Variants in ROBO2 observed in about 807,000 individuals in gnomAD.
ROBO2 encodes the protein roundabout homolog 2.
In ROBO2, 53 loss-of-function variants were observed where a neutral mutation model predicts 160.8. The observed-to-expected ratio is 0.33, with a 90% CI of 0.26 to 0.41. The LOEUF is 0.41. ROBO2 is among the 10% of genes least tolerant of loss of function. ROBO2 has a pLI of 1.00. For missense variants in ROBO2, 1,577 were observed against 1,722.4 expected, an observed-to-expected ratio of 0.92 and a Z score of 1.49; for synonymous variants, 664 against 611.7, an observed-to-expected ratio of 1.09 and a Z score of -1.26.
At chr3:76,402,327 G>A (rs2077877446) in intron 2 of ROBO2, among the ~76,000 whole-genome samples, 2 of 151,568 alleles carry the variant, frequency 1.3e-5, no homozygotes, top group African/African-American at 4.8e-5. Flanking sequence ...TGGCAATTGT[G>A]TAGGAAATGA....
At chr3:77,073,642 G>A (rs1446713089) in intron 1 of ROBO2, among the ~76,000 whole-genome samples, 1 of 152,152 alleles carries the variant, frequency 6.6e-6, no homozygotes, top group Non-Finnish European at 1.5e-5. Flanking sequence ...GGAACCTGGG[G>A]CCTTCCTGAG....
intron 2 of ROBO2, among the ~76,000 whole-genome samples, chr3:76,976,303 T>C (rs1051298988): frequency 3.3e-5 from 5 of 152,206 alleles, no homozygotes; most frequent in African/African-American, 9.6e-5. Flanking sequence ...AGTTAGGTCA[T>C]TGTTATTTTT....
intron 2 of ROBO2, among the ~76,000 whole-genome samples, chr3:77,028,493 A>C (rs1400873139): frequency 6.6e-6 from 1 of 152,096 alleles, no homozygotes; most frequent in Non-Finnish European, 1.5e-5. Flanking sequence ...AGGCAGGCGG[A>C]TCACCTGAGG....
At position 76,243,048 on chromosome 3, in the gene ROBO2, C is replaced by T. The variant is rs527872810; in HGVS notation, c.109+305446C>T. On this transcript the variant is annotated intron_variant, in intron 2 of 26. Coordinates refer to the ROBO2 transcript ENST00000487694. ...TGGCTCTTTAAATCTGTAAAAACGGCTAATCCCTGTAACAACTCACAAACA... is the reference window on the plus strand; with the variant it reads ...TGGCTCTTTAAATCTGTAAAAACGGTTAATCCCTGTAACAACTCACAAACA... Among the ~76,000 whole-genome samples the T allele has an allele frequency of 3.3e-5, 5 of 152,320 alleles. No individual in the cohort carries two copies. In the South Asian group the frequency reaches 1.0e-3, roughly 32 times the overall value.
At chr3:76,754,361 A>C (rs2060846095) in intron 2 of ROBO2, among the ~76,000 whole-genome samples, 1 of 151,924 alleles carries the variant, frequency 6.6e-6, no homozygotes, top group South Asian at 2.1e-4. Context: ...TTATCTGTCA[A>C]AGGTTAACTG....
At chr3:76,155,409 G>C (rs1347384099) in intron 2 of ROBO2, among the ~76,000 whole-genome samples, 1 of 151,840 alleles carries the variant, frequency 6.6e-6, no homozygotes, top group Non-Finnish European at 1.5e-5. Context: ...AATGCTACTG[G>C]AAAAGAAAAA....
At chr3:77,193,706 T>C (rs527666668) in intron 2 of ROBO2, among the ~76,000 whole-genome samples, 37 of 152,258 alleles carry the variant, frequency 2.4e-4, no homozygotes, top group African/African-American at 6.7e-4. Context: ...ATATCATCCC[T>C]CTGGTTTAAG....
At chr3:76,618,809 A>G (rs907347457) in intron 2 of ROBO2, among the ~76,000 whole-genome samples, 1 of 150,130 alleles carries the variant, frequency 6.7e-6, no homozygotes, top group Non-Finnish European at 1.5e-5. Context: ...TCCAGTGTAA[A>G]TAATGTTTCA....
intron 2 of ROBO2, among the ~76,000 whole-genome samples, chr3:77,309,448 T>C (rs1038710217): frequency 1.3e-5 from 2 of 152,350 alleles, no homozygotes; most frequent in African/African-American, 4.8e-5. Context: ...CTTCTATCCA[T>C]TGATTATCTA....
chr3:77,060,893 G>A (rs1251392218), intron 1 of ROBO2, among the ~76,000 whole-genome samples: 1 of 151,860 alleles, frequency 6.6e-6, no homozygotes, highest in African/African-American at 2.4e-5. Context: ...ATCTAGCAGA[G>A]ATAATACAAA....
chr3:76,673,361 GCCA>G (rs1230201430), intron 2 of ROBO2, among the ~76,000 whole-genome samples: 6 of 152,200 alleles, frequency 3.9e-5, no homozygotes, highest in African/African-American at 1.4e-4. Flanking sequence ...AGAGTTTCTG[GCCA>G]GGCAGTGGTG....
chr3:76,857,817 T>C (rs2148591192), intron 2 of ROBO2, among the ~76,000 whole-genome samples: 1 of 152,336 alleles, frequency 6.6e-6, no homozygotes, highest in Non-Finnish European at 1.5e-5. Context: ...GAGCATTTCT[T>C]AGCCTTACTC....
At chr3:76,109,588 C>T (rs2070124124) in intron 2 of ROBO2, among the ~76,000 whole-genome samples, 1 of 152,022 alleles carries the variant, frequency 6.6e-6, no homozygotes, top group Admixed American at 6.6e-5. Context: ...CAATGTTTTT[C>T]ATTTCTTTTT....
intron 2 of ROBO2, among the ~76,000 whole-genome samples, chr3:76,719,580 T>C (rs796994426): frequency 5.9e-5 from 9 of 152,354 alleles, no homozygotes; most frequent in African/African-American, 1.7e-4. Context: ...GTTAACAATT[T>C]TTTGTAAGAA....
At chr3:77,252,668 C>A (rs1470923411) in intron 2 of ROBO2, among the ~76,000 whole-genome samples, 1 of 149,824 alleles carries the variant, frequency 6.7e-6, no homozygotes, top group African/African-American at 2.4e-5. Context: ...ATTAGCTGGG[C>A]GTGGTGGCGG....
At chr3:76,919,859 AT>A (rs1169177669) in intron 2 of ROBO2, among the ~76,000 whole-genome samples, 2 of 152,144 alleles carry the variant, frequency 1.3e-5, no homozygotes, top group African/African-American at 4.8e-5. Context: ...GTAAACTTTT[AT>A]TTTGTAATAA....
intron 2 of ROBO2, among the ~76,000 whole-genome samples, chr3:77,177,850 A>G (rs1326274837): frequency 1.3e-5 from 2 of 152,048 alleles, no homozygotes; most frequent in Non-Finnish European, 2.9e-5. Context: ...GTCAACACAA[A>G]TCTCTCTTCC....
intron 2 of ROBO2, among the ~76,000 whole-genome samples, chr3:77,192,741 G>A (rs1193976842): frequency 1.3e-5 from 2 of 149,374 alleles, no homozygotes; most frequent in East Asian, 2.0e-4. Flanking sequence ...TGCCTCCTGG[G>A]TTCAAGCAAC....
intron 2 of ROBO2, among the ~76,000 whole-genome samples, chr3:76,122,757 G>A (rs1363119013): frequency 6.6e-6 from 1 of 152,020 alleles, no homozygotes; most frequent in African/African-American, 2.4e-5. Flanking sequence ...CTTTATGGTT[G>A]TTGATACTGT....
Sources: allele counts gnomAD v4.1 joint callset (sites outside exome capture counted in the v4.1 genomes callset), GRCh38; gene constraint gnomAD v4.1.1; transcripts MANE v1.5; gene names NCBI Gene and HGNC (gene_info 2026-07-23, HGNC 2026-07-21).